PRORP: variants seen among roughly 807,000 people sequenced by gnomAD.
PRORP encodes mitochondrial ribonuclease P catalytic subunit.
A neutral mutation model predicts 59.4 loss-of-function variants in PRORP; 51 were observed. The observed-to-expected ratio is 0.86, with a 90% confidence interval of 0.69 to 1.08. The LOEUF (loss-of-function observed/expected upper bound fraction) is 1.08. Among genes scored for constraint, PRORP ranks in the 50% least tolerant of loss-of-function variants. PRORP has a pLI of 0.00. For missense variants in PRORP, 646 were observed against 690.3 expected (o/e 0.94, Z 0.72); for synonymous variants, 231 against 245.6 (o/e 0.94, Z 0.55).
intron 5 of PRORP, among the ~76,000 whole-genome samples, chr14:35,218,114 A>G (rs2049652981): frequency 6.6e-6 from 1 of 152,116 alleles, no homozygotes; most frequent in South Asian, 2.1e-4. Flanking sequence ...AATTCATATC[A>G]TTTCTGTAAG....
intron 4 of PRORP, among the ~76,000 whole-genome samples, chr14:35,179,633 A>G (rs2048547116): frequency 6.7e-6 from 1 of 149,202 alleles, no homozygotes; most frequent in Non-Finnish European, 1.5e-5. Flanking sequence ...CTAGTTAGCC[A>G]TTCATCTAAT....
chr14:35,276,937 T>G lies in PRORP; in HGVS notation c.*3371T>G, dbSNP rs2051302874. On this transcript the variant is annotated 3_prime_UTR_variant, in exon 8 of 8. Transcript: ENST00000534898. ...GGTCTACCTCATCTGAGGTGGCTTA[T>G]TCTTCATAGGAAATTAATTTTTCTT... The G allele has an allele frequency of 6.6e-6, 1 of 152,232 alleles. No homozygotes were observed. Among genetic ancestry groups the G allele is most frequent in the Non-Finnish European group, 1.5e-5 (1 of 68,040 alleles). The allele number at this position is 152,232 out of a possible 1,614,324, so 9.4% of individuals were successfully genotyped here.
intron 5 of PRORP, among the ~76,000 whole-genome samples, chr14:35,186,575 T>G (rs2048748060): frequency 6.6e-6 from 1 of 151,706 alleles, no homozygotes; most frequent in African/African-American, 2.4e-5. Context: ...TCATTCTGTC[T>G]TTTCCTTTTT....
chr14:35,145,839 ATTTT>A, intron 4 of PRORP, among the ~76,000 whole-genome samples: 1 of 111,790 alleles, frequency 8.9e-6, no homozygotes, highest in African/African-American at 2.6e-5. Flanking sequence ...TTATTTTTTT[ATTTT>A]TTGAGACAGA....
chr14:35,187,647 C>A (rs1301689279), intron 5 of PRORP, among the ~76,000 whole-genome samples: 1 of 151,596 alleles, frequency 6.6e-6, no homozygotes, highest in Non-Finnish European at 1.5e-5. Flanking sequence ...CCAGGTTGGT[C>A]TCAAAGTCCT....
chr14:35,152,365 T>A (rs1270846740), intron 4 of PRORP, among the ~76,000 whole-genome samples: 1 of 152,348 alleles, frequency 6.6e-6, no homozygotes, highest in Middle Eastern at 3.4e-3. Context: ...CTGATTTCTC[T>A]ATCTTTTCCC....
chr14:35,173,155 A>G (rs2048363275), intron 4 of PRORP, among the ~76,000 whole-genome samples: 1 of 152,216 alleles, frequency 6.6e-6, no homozygotes, highest in African/African-American at 2.4e-5. Context: ...GGCTTGAGCC[A>G]CTGTGCCCAG....
In PRORP at chr14:35,127,562, T is replaced by C. The variant is rs1185574293; in HGVS notation, c.1118T>C (p.Met373Thr). ...TATGAATGTCTTAAGGGAAAAATCA[T>C]GAGGGATGTGATAGATGGAGGTGAC... is the stretch of plus-strand genomic sequence containing the variant. ...EEYECLKGKIMRDVIDGGDQY... is the reference protein window; with the variant it reads ...EEYECLKGKITRDVIDGGDQY... Residue 373 changes from methionine (M) to threonine (T), a missense_variant, in exon 4 of 8, where the codon ATG (methionine) becomes ACG (threonine). By Grantham distance (81) the Met-to-Thr change is moderately conservative. Transcript: ENST00000534898. 1.2e-6 allele frequency: 2 copies of C among 1,614,008 alleles called. No homozygotes were observed. Among genetic ancestry groups the C allele is most frequent in the Admixed American group, 3.3e-5 (2 of 60,004 alleles).
intron 5 of PRORP, among the ~76,000 whole-genome samples, chr14:35,200,693 T>A (rs1223391243): frequency 6.6e-6 from 1 of 151,652 alleles, no homozygotes. Flanking sequence ...ATTTTAAAGT[T>A]TTTTTACAAT....
At chr14:35,180,234 T>C (rs1487412087) in intron 4 of PRORP, among the ~76,000 whole-genome samples, 1 of 152,204 alleles carries the variant, frequency 6.6e-6, no homozygotes, top group African/African-American at 2.4e-5. Flanking sequence ...CACTGCTCTC[T>C]TCAAAGCTCA....
intron 5 of PRORP, among the ~76,000 whole-genome samples, chr14:35,206,171 A>C (rs1205412114): frequency 6.6e-6 from 1 of 152,154 alleles, no homozygotes; most frequent in African/African-American, 2.4e-5. Context: ...ACCAAACGTG[A>C]CTTGTGATAG....
intron 4 of PRORP, among the ~76,000 whole-genome samples, chr14:35,145,127 C>A (rs963489872): frequency 6.9e-6 from 1 of 144,402 alleles, no homozygotes; most frequent in Non-Finnish European, 1.5e-5. Context: ...CACACCACCA[C>A]GACCAGCTAA....
At chr14:35,142,735 C>T (rs1203721107) in intron 4 of PRORP, among the ~76,000 whole-genome samples, 1 of 144,246 alleles carries the variant, frequency 6.9e-6, no homozygotes, top group Admixed American at 7.3e-5. Context: ...CCTAGCTACT[C>T]GGGAGGCTGA....
chr14:35,259,932 G>A (rs1177210893), intron 5 of PRORP, among the ~76,000 whole-genome samples: 3 of 150,508 alleles, frequency 2.0e-5, no homozygotes, highest in East Asian at 2.0e-4. Context: ...TAGTGTTTTT[G>A]AGTGTATCTT....
intron 5 of PRORP, among the ~76,000 whole-genome samples, chr14:35,193,295 T>C (rs2048929808): frequency 6.6e-6 from 1 of 152,224 alleles, no homozygotes; most frequent in African/African-American, 2.4e-5. Context: ...TTTAAAAGAA[T>C]TATGGCTGAC....
At chr14:35,127,427 AG>A in intron 3 of PRORP, 51 bp from the exon 4 acceptor site, 1 of 1,353,912 alleles carries the variant, frequency 7.4e-7, no homozygotes, top group Non-Finnish European at 9.7e-7. Flanking sequence ...TTTTTTCCCC[AG>A]AACATTATTC....
At chr14:35,239,846 G>A (rs2050316029) in intron 5 of PRORP, among the ~76,000 whole-genome samples, 2 of 152,158 alleles carry the variant, frequency 1.3e-5, no homozygotes, top group African/African-American at 4.8e-5. Flanking sequence ...AGGCAGAGGC[G>A]GGCAGATCAC....
At chr14:35,157,553 C>G (rs550808564) in intron 4 of PRORP, among the ~76,000 whole-genome samples, 1 of 152,258 alleles carries the variant, frequency 6.6e-6, no homozygotes, top group Admixed American at 6.5e-5. Context: ...CCACACCCAG[C>G]TAATTTTTGT....
intron 4 of PRORP, among the ~76,000 whole-genome samples, chr14:35,137,190 C>G (rs2047394489): frequency 6.9e-6 from 1 of 145,164 alleles, no homozygotes; most frequent in Non-Finnish European, 1.5e-5. Flanking sequence ...ATAGTGGTGG[C>G]TAGAGGATGG....
Sources: gnomAD v4.1 joint callset for allele counts (sites outside exome capture counted in the v4.1 genomes callset) on GRCh38, gnomAD v4.1.1 for gene constraint, MANE v1.5 for transcripts, NCBI Gene and HGNC (gene_info 2026-07-23, HGNC 2026-07-21) for gene names.